Variants in LATS1 observed in about 807,000 individuals in gnomAD.
The protein encoded by LATS1 is large tumor suppressor kinase 1.
LATS1 carries 25 observed loss-of-function variants against 106.6 expected under a neutral mutation model. That is an observed-to-expected ratio of 0.23 (90% CI 0.17 to 0.33). LATS1 has a LOEUF of 0.33. Among genes scored for constraint, LATS1 ranks in the 10% least tolerant of loss-of-function variants. LATS1 has a pLI of 1.00. For missense variants in LATS1, 1,040 were observed against 1,382.6 expected, an observed-to-expected ratio of 0.75 and a Z score of 3.93; for synonymous variants, 465 against 455.6, an observed-to-expected ratio of 1.02 and a Z score of -0.26.
intron 3 of LATS1, among the ~76,000 whole-genome samples, chr6:149,690,150 C>T (rs7753812): frequency 0.53 from 80,780 of 151,152 alleles, 24,738 homozygotes; most frequent in East Asian, 0.83. Flanking sequence ...AATAAACTTA[C>T]GTCTGTTAAA....
intron 3 of LATS1, among the ~76,000 whole-genome samples, chr6:149,689,196 T>C (rs1562339315): frequency 1.3e-5 from 2 of 151,290 alleles, no homozygotes; most frequent in Non-Finnish European, 2.9e-5. Flanking sequence ...ATAAAGGTCC[T>C]GAGGTGGGAG....
chr6:149,663,483 G>GA (rs965886704), intron 7 of LATS1, among the ~76,000 whole-genome samples: 1 of 151,736 alleles, frequency 6.6e-6, no homozygotes, highest in Non-Finnish European at 1.5e-5. Flanking sequence ...TCAAAAGAGG[G>GA]AAAAAAAATC....
At position 149,658,811 on chromosome 6, in the gene LATS1, A is replaced by G. The variant is rs1443551252; in HGVS notation, c.*2918T>C. On this transcript the variant is annotated 3_prime_UTR_variant, in exon 8 of 8. Transcript: ENST00000543571. ...GGCCTGCCTTATGATGTCACTGGAC[A>G]ATGCATAACAGTATCTACAATTACA... is the stretch of plus-strand genomic sequence containing the variant. The G allele has an allele frequency of 6.6e-6, 1 of 152,224 alleles. No individual in the cohort carries two copies. The highest frequency in any genetic ancestry group is 2.4e-5 in the African/African-American group (1 of 41,452). The allele number at this position is 152,224 out of a possible 1,614,324, so 9.4% of individuals were successfully genotyped here. A position where few individuals can be genotyped will look rare whatever the true frequency, so the allele number is the denominator to read the frequency against.
At chr6:149,695,039 G>C (rs1272934914) in intron 3 of LATS1, 35 bp downstream of exon 3, 1 of 1,534,750 alleles carries the variant, frequency 6.5e-7, no homozygotes, top group Admixed American at 2.2e-5. Context: ...CACAGTAAAA[G>C]AAGAGATGAG....
intron 7 of LATS1, among the ~76,000 whole-genome samples, chr6:149,672,688 G>A (rs539223766): frequency 2.0e-5 from 3 of 151,510 alleles, no homozygotes; most frequent in African/African-American, 7.3e-5. Context: ...GCTCACGCCT[G>A]TAATCCCAGC....
At chr6:149,676,878 T>G (rs1781753698) in intron 5 of LATS1, 141 bp from the exon 6 acceptor site, 3 of 697,774 alleles carry the variant, frequency 4.3e-6, no homozygotes, top group Non-Finnish European at 4.6e-6. Context: ...GCCAAATCAC[T>G]GATGGTGTTT....
At chr6:149,673,096 C>CT (rs199602290) in intron 7 of LATS1, among the ~76,000 whole-genome samples, 1,551 of 119,066 alleles carry the variant, frequency 0.013, 25 homozygotes, top group Middle Eastern at 0.035. Flanking sequence ...CTTTTCTTTT[C>CT]TTTTTTTTTT....
chr6:149,668,656 G>T (rs2114716488), intron 7 of LATS1, among the ~76,000 whole-genome samples: 1 of 149,870 alleles, frequency 6.7e-6, no homozygotes, highest in African/African-American at 2.5e-5. Flanking sequence ...TGTTACTCAC[G>T]CTGGTCTTGA....
rs752586048 is a variant in LATS1 at position 149,676,626 on chromosome 6, T to C, written c.2705A>G (p.His902Arg). 6.2e-7 allele frequency: 1 copy of C among 1,614,142 alleles called. No homozygotes were observed. ...CAAAGAATGTGCTAGACATCGCTGG[T>C]GCTGGCGTGCAGCTCTCCGCTCTAA... ...KPLERRAARQHQRCLAHSLVG... is the reference protein window; with the variant it reads ...KPLERRAARQRQRCLAHSLVG... Residue 902 changes from histidine to arginine, a missense_variant, in exon 6 of 8, where the codon CAC becomes CGC. Physicochemically the swap from His to Arg is conservative, Grantham distance 29 (BLOSUM62 0). This residue lies in a region of LATS1 where 63 missense variants were observed against 64.3 expected (regional missense o/e 0.98). Transcript: ENST00000543571.
chr6:149,697,004 A>G, intron 2 of LATS1: 1 of 538,296 alleles, frequency 1.9e-6, no homozygotes, highest in South Asian at 1.5e-5. Flanking sequence ...CACTCCTTGT[A>G]CTTTATGTTT....
intron 7 of LATS1, among the ~76,000 whole-genome samples, chr6:149,669,618 A>G (rs1234896795): frequency 2.0e-5 from 3 of 151,794 alleles, no homozygotes; most frequent in Non-Finnish European, 2.9e-5. Flanking sequence ...AAAATTAGCC[A>G]AGCGTGATGG....
chr6:149,715,878 C>A (rs777756304), intron 1 of LATS1, among the ~76,000 whole-genome samples: 2 of 152,072 alleles, frequency 1.3e-5, no homozygotes, highest in African/African-American at 4.8e-5. Context: ...TAAAATAATT[C>A]TTCAAAGCAA....
At chr6:149,669,862 T>C (rs1028124118) in intron 7 of LATS1, among the ~76,000 whole-genome samples, 5 of 151,846 alleles carry the variant, frequency 3.3e-5, no homozygotes, top group Admixed American at 6.6e-5. Context: ...TGGTAAAGTA[T>C]AAATTCTAGG....
chr6:149,686,773 T>C (rs1436053889), intron 3 of LATS1, among the ~76,000 whole-genome samples: 2 of 152,326 alleles, frequency 1.3e-5, no homozygotes, highest in East Asian at 3.9e-4. Flanking sequence ...ATTTGCTCTA[T>C]TTCATTCAGC....
chr6:149,671,059 A>G (rs1781422209), intron 7 of LATS1, among the ~76,000 whole-genome samples: 1 of 151,844 alleles, frequency 6.6e-6, no homozygotes, highest in Non-Finnish European at 1.5e-5. Context: ...TTATCTATAT[A>G]TATGTGACTC....
At chr6:149,710,181 TAA>T (rs2115009161) in intron 1 of LATS1, among the ~76,000 whole-genome samples, 1 of 152,174 alleles carries the variant, frequency 6.6e-6, no homozygotes, top group East Asian at 1.9e-4. Context: ...CTAAAATGTA[TAA>T]AACCAAGCTG....
chr6:149,686,853 A>G (rs1782401136), intron 3 of LATS1, among the ~76,000 whole-genome samples: 1 of 152,104 alleles, frequency 6.6e-6, no homozygotes, highest in Non-Finnish European at 1.5e-5. Context: ...ACGAGGATAA[A>G]CCATCTATTG....
Position 149,680,408 on chromosome 6 carries a change from T to A in LATS1, c.2060A>T (p.Gln687Leu). ...AAGACGGATGTAATTAGATTCTTTT[T>A]GGCAAAGCATCTTTCTCATTTGATC... is the stretch of plus-strand genomic sequence containing the variant. ...AQDQMRKMLC[Q>L]KESNYIRLKR... Residue 687 changes from glutamine (Q) to leucine (L), a missense_variant, in exon 5 of 8, where the codon CAA becomes CTA. Physicochemically the swap from Gln to Leu is moderately radical, Grantham distance 113 (BLOSUM62 -2). Transcript: ENST00000543571. 6.2e-7 allele frequency: 1 copy of A among 1,613,500 alleles called. No homozygotes were observed. The highest frequency in any genetic ancestry group is 8.5e-7 in the Non-Finnish European group (1 of 1,179,788).
At chr6:149,710,400 C>T (rs1477369639) in intron 1 of LATS1, among the ~76,000 whole-genome samples, 1 of 152,120 alleles carries the variant, frequency 6.6e-6, no homozygotes, top group East Asian at 1.9e-4. Flanking sequence ...TGGAAGAAGG[C>T]ACAAAAATTA....
Sources: allele counts gnomAD v4.1 joint callset (sites outside exome capture counted in the v4.1 genomes callset), GRCh38; gene constraint gnomAD v4.1.1; regional missense constraint gnomAD v4.1.1; transcripts MANE v1.5; gene names NCBI Gene and HGNC (gene_info 2026-07-23, HGNC 2026-07-21).